BCAR3: variants seen among roughly 807,000 people sequenced by gnomAD.
BCAR3 encodes BCAR3 adaptor protein, NSP family member.
Under a neutral mutation model 80.1 loss-of-function variants are expected in BCAR3, and 37 were observed. That is an observed-to-expected ratio of 0.46 (90% CI 0.36 to 0.61). The LOEUF (loss-of-function observed/expected upper bound fraction) is 0.61. Ranked by LOEUF, BCAR3 falls within the 20% of genes least tolerant of loss-of-function variation. The pLI, the probability that BCAR3 is intolerant of heterozygous loss-of-function variation, is 0.00. For synonymous variants in BCAR3, 389 were observed against 418.9 expected, an observed-to-expected ratio of 0.93 and a Z score of 0.87; for missense variants, 978 against 1,068.2, an observed-to-expected ratio of 0.92 and a Z score of 1.18.
chr1:93,656,123 T>G (rs1413121436), intron 2 of BCAR3, among the ~76,000 whole-genome samples: 1 of 152,234 alleles, frequency 6.6e-6, no homozygotes, highest in Non-Finnish European at 1.5e-5. Context: ...ATTGTTACTG[T>G]GCTTTCTTTG....
Position 93,567,350 on chromosome 1 carries a change from T to C in BCAR3, c.2228A>G (p.His743Arg). 1 of 1,614,190 alleles carries C rather than the reference T, an allele frequency of 6.2e-7. No homozygotes were observed. The highest frequency in any genetic ancestry group is 8.5e-7 in the Non-Finnish European group (1 of 1,180,044). The change falls in exon 11 of 12, where the codon CAT (histidine) becomes CGT (arginine). Residue 743 changes from histidine (H) to arginine (R), a missense_variant. His to Arg is a conservative substitution (Grantham distance 29). Coordinates refer to ENST00000260502, the MANE Select transcript of BCAR3 (RefSeq NM_003567.4). ...NDQSCEIMLNHLATARFMAEA... is the reference protein window; with the variant it reads ...NDQSCEIMLNRLATARFMAEA... ...GGCCATGAATCGCGCTGTTGCCAAA[T>C]GGTTCAGCATGATTTCACAGCTCTG...
chr1:93,834,992 T>C (rs1023719408), intron 2 of BCAR3, among the ~76,000 whole-genome samples: 3 of 152,122 alleles, frequency 2.0e-5, no homozygotes, highest in Admixed American at 6.5e-5. Flanking sequence ...CCAGGCCTAA[T>C]TGCCATTCAC....
chr1:93,743,976 G>A (rs1334062796), intron 2 of BCAR3, among the ~76,000 whole-genome samples: 1 of 152,186 alleles, frequency 6.6e-6, no homozygotes, highest in African/African-American at 2.4e-5. Flanking sequence ...GACAGAAAGT[G>A]CAGGGAAGAC....
chr1:93,817,927 C>T (rs1015430993), intron 2 of BCAR3, among the ~76,000 whole-genome samples: 6 of 152,182 alleles, frequency 3.9e-5, no homozygotes, highest in African/African-American at 1.4e-4. Context: ...TTGGCTCTGC[C>T]AGTCCCAAGG....
intron 2 of BCAR3, among the ~76,000 whole-genome samples, chr1:93,783,044 C>T (rs1156495429): frequency 1.3e-5 from 2 of 152,158 alleles, no homozygotes; most frequent in African/African-American, 2.4e-5. Context: ...CTGGCAAAAT[C>T]TAAGAAGATT....
intron 3 of BCAR3, among the ~76,000 whole-genome samples, chr1:93,702,894 C>A (rs977780713): frequency 1.3e-5 from 2 of 152,224 alleles, no homozygotes; most frequent in African/African-American, 2.4e-5. Context: ...GCTGCCCACG[C>A]ATGTCAGAGG....
intron 2 of BCAR3, among the ~76,000 whole-genome samples, chr1:93,709,536 C>A (rs1437393358): frequency 6.6e-6 from 1 of 152,198 alleles, no homozygotes; most frequent in Non-Finnish European, 1.5e-5. Context: ...ACAGAGCCTT[C>A]TCTCTTAGTG....
rs558026180 is a variant in BCAR3 at position 93,801,292 on chromosome 1, G to A, written c.-63+44275C>T. On this transcript the variant is annotated intron_variant, in intron 2 of 13. Transcript: ENST00000370244. ...GTAAATTCATGATTTTAGCGGCTTC[G>A]TTGTCTTTCTTATTCTGTATAACTG... Among the ~76,000 whole-genome samples the A allele has an allele frequency of 1.1e-4, 16 of 152,274 alleles. No individual in the cohort carries two copies. In the South Asian group the frequency reaches 3.1e-3, roughly 30 times the overall value.
chr1:93,632,571 TGATGGGTTTATTGG>T (rs1245147242), intron 3 of BCAR3, among the ~76,000 whole-genome samples: 1 of 152,200 alleles, frequency 6.6e-6, no homozygotes, highest in Non-Finnish European at 1.5e-5. Flanking sequence ...TTTCAATTGA[TGATGGGTTTATTGG>T]GATGTAGCCC....
chr1:93,836,402 TCG>T, intron 2 of BCAR3, among the ~76,000 whole-genome samples: 1 of 151,546 alleles, frequency 6.6e-6, no homozygotes, highest in South Asian at 2.1e-4. Flanking sequence ...TATTTGGACC[TCG>T]TGTCTTCCAT....
chr1:93,723,054 G>A lies in BCAR3; in HGVS notation c.-62-16912C>T, dbSNP rs549852251. 1.2e-4 allele frequency among the ~76,000 whole-genome samples: 18 copies of A among 152,266 alleles called. No individual in the cohort carries two copies. The South Asian group carries it at 3.7e-3, about 32-fold the overall frequency. ...CTCAGGCAAGACCTCAAAATGCCTG[G>A]AAGAAAGAAAGGAACCAATAGACCC... On this transcript the variant is annotated intron_variant, in intron 2 of 13. Coordinates refer to the BCAR3 transcript ENST00000370244.
intron 2 of BCAR3, among the ~76,000 whole-genome samples, chr1:93,766,520 G>A (rs1377387696): frequency 2.6e-5 from 4 of 152,208 alleles, no homozygotes; most frequent in Non-Finnish European, 4.4e-5. Flanking sequence ...CTTTCTGACT[G>A]CAGGAATGCT....
chr1:93,740,118 C>A (rs1463730983), intron 2 of BCAR3, among the ~76,000 whole-genome samples: 1 of 152,098 alleles, frequency 6.6e-6, no homozygotes, highest in Non-Finnish European at 1.5e-5. Flanking sequence ...CACAAAATCA[C>A]AACAGGAAGG....
chr1:93,562,444 G>C (rs764439486), intron 11 of BCAR3, 25 bp from the exon 12 acceptor site: 2 of 1,606,114 alleles, frequency 1.2e-6, no homozygotes, highest in Non-Finnish European at 1.7e-6. Flanking sequence ...TAAACAAAAA[G>C]TTACTTCAGT....
At chr1:93,811,539 G>A (rs1653841065) in intron 2 of BCAR3, among the ~76,000 whole-genome samples, 1 of 152,178 alleles carries the variant, frequency 6.6e-6, no homozygotes, top group Non-Finnish European at 1.5e-5. Context: ...TTTCCTTTAT[G>A]CTTCTCTATT....
chr1:93,770,002 T>G (rs1325498068), intron 2 of BCAR3, among the ~76,000 whole-genome samples: 1 of 152,100 alleles, frequency 6.6e-6, no homozygotes, highest in Non-Finnish European at 1.5e-5. Flanking sequence ...CTGTCTTCCC[T>G]GGGGAGGGCC....
intron 2 of BCAR3, among the ~76,000 whole-genome samples, chr1:93,790,520 G>C (rs982146874): frequency 9.3e-5 from 14 of 151,194 alleles, no homozygotes; most frequent in Non-Finnish European, 1.8e-4. Context: ...TGTCCTAAAG[G>C]TAGCTTTCCT....
chr1:93,719,594 G>A (rs1037879357), intron 2 of BCAR3, among the ~76,000 whole-genome samples: 7 of 151,920 alleles, frequency 4.6e-5, no homozygotes, highest in South Asian at 2.1e-4. Flanking sequence ...TGCCTGCCTC[G>A]GCCTCCCAAA....
chr1:93,662,646 C>G (rs542733223), intron 2 of BCAR3, among the ~76,000 whole-genome samples: 4 of 152,262 alleles, frequency 2.6e-5, no homozygotes, highest in African/African-American at 9.6e-5. Flanking sequence ...TTTCCTCACC[C>G]CACGGATAGC....
Sources: allele counts gnomAD v4.1 joint callset (sites outside exome capture counted in the v4.1 genomes callset), GRCh38; gene constraint gnomAD v4.1.1; transcripts MANE v1.5; gene names NCBI Gene and HGNC (gene_info 2026-07-23, HGNC 2026-07-21).